The following CTNNA3 variants were observed in gnomAD, a reference collection of about 807,000 sequenced individuals.
CTNNA3 encodes the protein catenin alpha-3.
A neutral mutation model predicts 95.7 loss-of-function variants in CTNNA3; 76 were observed. The observed-to-expected ratio is 0.79, with a 90% confidence interval of 0.66 to 0.96. The LOEUF is 0.96. Ranked by LOEUF, CTNNA3 falls within the 40% of genes least tolerant of loss-of-function variation. CTNNA3 has a pLI of 0.00. For synonymous variants in CTNNA3, 431 were observed against 374.4 expected (o/e 1.15, Z -1.74); for missense variants, 1,191 against 1,089.8 (o/e 1.09, Z -1.31).
intron 7 of CTNNA3, among the ~76,000 whole-genome samples, chr10:67,080,586 T>A (rs1202808034): frequency 6.6e-6 from 1 of 150,792 alleles, no homozygotes; most frequent in Non-Finnish European, 1.5e-5. Context: ...ATAGGCATCA[T>A]CTTCATCATC....
chr10:66,644,434 ACCC>A (rs990835079), intron 9 of CTNNA3, among the ~76,000 whole-genome samples: 1 of 144,788 alleles, frequency 6.9e-6, no homozygotes, highest in African/African-American at 2.6e-5. Context: ...CTTGATCCAA[ACCC>A]CCAGATCCCC....
chr10:67,108,109 T>G (rs1216530656), intron 7 of CTNNA3, among the ~76,000 whole-genome samples: 1 of 152,234 alleles, frequency 6.6e-6, no homozygotes, highest in Non-Finnish European at 1.5e-5. Context: ...GTACATTTAC[T>G]TATAATTATT....
chr10:66,512,965 C>T (rs1415550631), intron 11 of CTNNA3, among the ~76,000 whole-genome samples: 1 of 152,064 alleles, frequency 6.6e-6, no homozygotes, highest in African/African-American at 2.4e-5. Context: ...GACAATTTGA[C>T]TATCATGTGC....
At chr10:66,770,780 C>A (rs898094030) in intron 8 of CTNNA3, among the ~76,000 whole-genome samples, 1 of 151,990 alleles carries the variant, frequency 6.6e-6, no homozygotes, top group Non-Finnish European at 1.5e-5. Context: ...AAGGAATCAT[C>A]TTCAGGGAAA....
At chr10:67,169,087 G>A (rs1479437779) in intron 7 of CTNNA3, among the ~76,000 whole-genome samples, 1 of 152,120 alleles carries the variant, frequency 6.6e-6, no homozygotes, top group African/African-American at 2.4e-5. Context: ...CCAGAAAGGA[G>A]AAAGATCTCT....
intron 5 of CTNNA3, among the ~76,000 whole-genome samples, chr10:67,373,043 C>T (rs1403905170): frequency 3.3e-5 from 5 of 152,114 alleles, no homozygotes; most frequent in African/African-American, 9.7e-5. Flanking sequence ...TAAAGACCAT[C>T]GAGGCTAGGA....
chr10:67,252,415 T>A (rs1205770638), intron 5 of CTNNA3, among the ~76,000 whole-genome samples: 2 of 152,136 alleles, frequency 1.3e-5, no homozygotes, highest in Non-Finnish European at 2.9e-5. Context: ...TGTTTTTTCC[T>A]ATACATACAT....
chr10:66,884,750 C>T lies in CTNNA3; in HGVS notation c.1048-109226G>A, dbSNP rs1844979448. On this transcript the variant is annotated intron_variant, in intron 7 of 17. Coordinates refer to ENST00000433211, the MANE Select transcript of CTNNA3 (RefSeq NM_013266.4). ...CAATCTGTTACATTGCAATAGATAA[C>T]CAATACAGAGGGGCAAGAAACAGAG... is the stretch of plus-strand genomic sequence containing the variant. Among the ~76,000 whole-genome samples, 5 of 152,034 alleles carry T rather than the reference C, an allele frequency of 3.3e-5. No homozygotes were observed. In the South Asian group the frequency reaches 1.0e-3, roughly 32 times the overall value.
At chr10:67,367,649 AGAC>A (rs1843265575) in intron 5 of CTNNA3, among the ~76,000 whole-genome samples, 1 of 152,220 alleles carries the variant, frequency 6.6e-6, no homozygotes, top group Admixed American at 6.5e-5. Context: ...ACAATAGCAA[AGAC>A]ATGGAATCAA....
intron 12 of CTNNA3, among the ~76,000 whole-genome samples, chr10:66,347,790 G>A (rs1037988488): frequency 4.6e-5 from 7 of 151,992 alleles, no homozygotes; most frequent in Non-Finnish European, 8.8e-5. Context: ...TGAAACAAAG[G>A]CCTGGAAATA....
chr10:67,098,030 C>A, intron 7 of CTNNA3: 1 of 516,778 alleles, frequency 1.9e-6, no homozygotes, highest in Non-Finnish European at 3.5e-6. Flanking sequence ...AGAGTATGAC[C>A]CTGAAAAATA....
chr10:66,872,817 A>G (rs1465186890), intron 7 of CTNNA3, among the ~76,000 whole-genome samples: 1 of 152,012 alleles, frequency 6.6e-6, no homozygotes, highest in Non-Finnish European at 1.5e-5. Flanking sequence ...TAGTCCCCAT[A>G]GGTAGTTTTT....
At chr10:66,940,719 TAATC>T in intron 7 of CTNNA3, among the ~76,000 whole-genome samples, 1 of 152,230 alleles carries the variant, frequency 6.6e-6, no homozygotes, top group South Asian at 2.1e-4. Flanking sequence ...TTGTACAAAG[TAATC>T]AATGGCTAAA....
intron 1 of CTNNA3, among the ~76,000 whole-genome samples, chr10:67,661,309 A>AGAAG (rs999352873): frequency 6.6e-6 from 1 of 151,604 alleles, no homozygotes; most frequent in Non-Finnish European, 1.5e-5. Flanking sequence ...GAGGGAAGAA[A>AGAAG]GAAGGAAGGA....
chr10:66,586,840 C>A (rs2132216523), intron 10 of CTNNA3, among the ~76,000 whole-genome samples: 1 of 152,250 alleles, frequency 6.6e-6, no homozygotes, highest in South Asian at 2.1e-4. Flanking sequence ...ACTCAAGGCC[C>A]ATGGTCTGCT....
Position 66,069,450 on chromosome 10 carries a change from T to C in CTNNA3, c.2017A>G (p.Ile673Val). The C allele has an allele frequency of 6.2e-7, 1 of 1,613,298 alleles. No homozygotes were observed. The highest frequency in any genetic ancestry group is 8.5e-7 in the Non-Finnish European group (1 of 1,179,686). ...TTGAAATCAGCAACTTGCTCAGCAA[T>C]CTTTTCTTTTTCTGCCTCAGGCAGT... ...TQLPEAEKEK[I>V]AEQVADFKKV... Residue 673 changes from isoleucine (I) to valine (V), a missense_variant, in exon 15 of 18, where the codon ATT (isoleucine) becomes GTT (valine). Coordinates refer to ENST00000433211, the MANE Select transcript of CTNNA3 (RefSeq NM_013266.4).
chr10:66,360,767 C>CTTT (rs1564896970), intron 12 of CTNNA3, among the ~76,000 whole-genome samples: 28 of 71,662 alleles, frequency 3.9e-4, no homozygotes, highest in Non-Finnish European at 5.7e-4. Flanking sequence ...TTCCTTCCTT[C>CTTT]CTTTTCTTTC....
intron 7 of CTNNA3, among the ~76,000 whole-genome samples, chr10:66,934,469 A>G (rs1847581671): frequency 6.6e-6 from 1 of 152,176 alleles, no homozygotes; most frequent in South Asian, 2.1e-4. Context: ...ACACACTTGC[A>G]TTAAATATTA....
At chr10:66,678,908 G>A (rs1012861122) in intron 9 of CTNNA3, among the ~76,000 whole-genome samples, 3 of 152,082 alleles carry the variant, frequency 2.0e-5, no homozygotes, top group African/African-American at 7.2e-5. Flanking sequence ...GGAGAGCAGC[G>A]CATGTAAAGT....
Sources: gnomAD v4.1 joint callset for allele counts (sites outside exome capture counted in the v4.1 genomes callset) on GRCh38, gnomAD v4.1.1 for gene constraint, MANE v1.5 for transcripts, NCBI Gene and HGNC (gene_info 2026-07-23, HGNC 2026-07-21) for gene names.